MAP3K14: variants seen among roughly 807,000 people sequenced by gnomAD.
The protein encoded by MAP3K14 is NF-kappa-beta-inducing kinase.
Under a neutral mutation model 99.2 loss-of-function variants are expected in MAP3K14, and 16 were observed. That is an observed-to-expected ratio of 0.16 (90% CI 0.11 to 0.24). The LOEUF (loss-of-function observed/expected upper bound fraction) is 0.24, where lower values mean the gene tolerates loss of function less well. Among genes scored for constraint, MAP3K14 ranks in the 10% least tolerant of loss-of-function variants. The pLI is 1.00. For synonymous variants in MAP3K14, 462 were observed against 492.4 expected, an observed-to-expected ratio of 0.94 and a Z score of 0.82; for missense variants, 784 against 1,208.7, an observed-to-expected ratio of 0.65 and a Z score of 5.21.
chr17:45,277,563 G>A (rs7222751), intron 6 of MAP3K14, among the ~76,000 whole-genome samples: 24,481 of 152,126 alleles, frequency 0.16, 2,104 homozygotes, highest in African/African-American at 0.22. Context: ...AGTGTTTCCA[G>A]CTCTAAAAAG....
rs1026894731 is a variant in MAP3K14, at chr17:45,304,010, CTTTTTTTTT to C, written c.-21+12941_-21+12949del. 4.1e-4 allele frequency among the ~76,000 whole-genome samples: 53 copies of C among 127,732 alleles called. No homozygotes were observed. The East Asian group carries it at 0.011, about 26-fold the overall frequency. 83.8% of individuals were successfully genotyped at this position (127,732 alleles called of 152,430 possible). A position where few individuals can be genotyped will look rare whatever the true frequency, so the allele number is the denominator to read the frequency against. Reference sequence around the variant, plus strand: ...CATTTAGATTTATTTCTTTTCTTTTCTTTTTTTTTTTTTTTTTTTTGAGACGGAGTCTCG... The same window carrying C: ...CATTTAGATTTATTTCTTTTCTTTTCTTTTTTTTTTTGAGACGGAGTCTCG... On this transcript the variant is annotated intron_variant, in intron 1 of 15. Coordinates refer to ENST00000344686, the MANE Select transcript of MAP3K14 (RefSeq NM_003954.5).
chr17:45,268,142 ATC>A (rs1251612489), intron 11 of MAP3K14: 1 of 211,534 alleles, frequency 4.7e-6, no homozygotes, highest in Non-Finnish European at 9.3e-6. Flanking sequence ...TGGACCCACC[ATC>A]TCTCCTACCC....
rs34664244 is a variant in MAP3K14 at position 45,301,833 on chromosome 17, C to CTT, written c.-20-11070_-20-11069dup. On this transcript the variant is annotated intron_variant, in intron 1 of 15. Transcript: ENST00000344686. ...AGCACATATTAGTTTTCTCAGTTCTCTTTTTTTTTTTTTTTTTGAGATGCA... is the reference window on the plus strand; with the variant it reads ...AGCACATATTAGTTTTCTCAGTTCTCTTTTTTTTTTTTTTTTTTTGAGATGCA... Among the ~76,000 whole-genome samples the CTT allele has an allele frequency of 3.7e-3, 494 of 134,292 alleles. 5 individuals are homozygous for CTT. The highest frequency in any genetic ancestry group is 0.013 in the African/African-American group (467 of 36,832). The allele number at this position is 134,292 out of a possible 152,430, so 88.1% of individuals were successfully genotyped here. A position where few individuals can be genotyped will look rare whatever the true frequency, so the allele number is the denominator to read the frequency against.
chr17:45,280,973 T>C (rs2044218042), intron 6 of MAP3K14, among the ~76,000 whole-genome samples: 1 of 152,106 alleles, frequency 6.6e-6, no homozygotes, highest in South Asian at 2.1e-4. Flanking sequence ...ATCCACTGAC[T>C]AGGATAAGAA....
intron 1 of MAP3K14, among the ~76,000 whole-genome samples, chr17:45,297,985 C>G (rs2044358544): frequency 6.6e-6 from 1 of 152,156 alleles, no homozygotes; most frequent in Non-Finnish European, 1.5e-5. Flanking sequence ...TCCTAAAGTG[C>G]TGGGATTACA....
intron 1 of MAP3K14, among the ~76,000 whole-genome samples, chr17:45,315,883 C>T (rs2044527502): frequency 6.6e-6 from 1 of 152,186 alleles, no homozygotes; most frequent in Non-Finnish European, 1.5e-5. Context: ...AAGCAAAAAA[C>T]ACATCACTAA....
Position 45,301,378 on chromosome 17 carries a change from G to A in MAP3K14, c.-20-10613C>T, listed in dbSNP as rs1040089508. 5.9e-5 allele frequency among the ~76,000 whole-genome samples: 9 copies of A among 152,018 alleles called. No homozygotes were observed. In the East Asian group the frequency reaches 7.7e-4, roughly 13 times the overall value. On this transcript the variant is annotated intron_variant, in intron 1 of 15. Transcript: ENST00000344686. ...CTCAGGAGACTGAGGCAGGAGAATCGCTTGAACCTGGGAGGCGGAGGTTGC... is the reference window on the plus strand; with the variant it reads ...CTCAGGAGACTGAGGCAGGAGAATCACTTGAACCTGGGAGGCGGAGGTTGC...
At chr17:45,300,088 C>CA (rs566710026) in intron 1 of MAP3K14, among the ~76,000 whole-genome samples, 15 of 151,970 alleles carry the variant, frequency 9.9e-5, no homozygotes, top group Non-Finnish European at 2.1e-4. Flanking sequence ...GACTCCATCT[C>CA]AAAAAAACAA....
chr17:45,270,780 A>G (rs1280450544), intron 10 of MAP3K14: 1 of 787,824 alleles, frequency 1.3e-6, no homozygotes, highest in East Asian at 2.7e-5. Context: ...CAAGACGCCC[A>G]CAGCCTCCAG....
intron 1 of MAP3K14, among the ~76,000 whole-genome samples, chr17:45,310,823 C>T (rs2044470766): frequency 6.6e-6 from 1 of 152,140 alleles, no homozygotes; most frequent in African/African-American, 2.4e-5. Context: ...TTCTTATCAA[C>T]CTTGACCTCC....
At chr17:45,313,274 TTACTACTAC>T (rs377671447) in intron 1 of MAP3K14, among the ~76,000 whole-genome samples, 2 of 151,568 alleles carry the variant, frequency 1.3e-5, no homozygotes, top group Admixed American at 1.3e-4. Flanking sequence ...ACTGCTACTA[TTACTACTAC>T]TACTACTACT....
chr17:45,304,010 C>CTTTTTTTT (rs1026894731), intron 1 of MAP3K14, among the ~76,000 whole-genome samples: 14 of 127,740 alleles, frequency 1.1e-4, no homozygotes, highest in African/African-American at 1.4e-4. Context: ...CTTTTCTTTT[C>CTTTTTTTT]TTTTTTTTTT....
At chr17:45,282,410 C>T (rs1395075592) in intron 6 of MAP3K14, among the ~76,000 whole-genome samples, 2 of 151,866 alleles carry the variant, frequency 1.3e-5, no homozygotes, top group African/African-American at 2.4e-5. Context: ...AAAAAATTAG[C>T]TGGGTGTGGT....
chr17:45,281,324 G>A lies in MAP3K14; in HGVS notation c.1290+3488C>T, dbSNP rs563061906. Among the ~76,000 whole-genome samples the A allele has an allele frequency of 2.3e-4, 35 of 149,620 alleles. No individual in the cohort carries two copies. The South Asian group carries it at 7.4e-3, about 32-fold the overall frequency. ...AAGTGCTAGGATTATAGGTATAAGT[G>A]CCGCACCGCCTGATCTTTCTTTTTT... On this transcript the variant is annotated intron_variant, in intron 6 of 15. Transcript: ENST00000344686.
At chr17:45,305,878 G>A (rs1223434535) in intron 1 of MAP3K14, among the ~76,000 whole-genome samples, 4 of 152,166 alleles carry the variant, frequency 2.6e-5, no homozygotes, top group Non-Finnish European at 5.9e-5. Context: ...GATGTTCTTT[G>A]AAGAGCATTC....
intron 1 of MAP3K14, among the ~76,000 whole-genome samples, chr17:45,301,253 C>G (rs1226052856): frequency 6.6e-6 from 1 of 151,716 alleles, no homozygotes; most frequent in African/African-American, 2.4e-5. Context: ...CACCTGAGGT[C>G]AGGAGTTTGA....
intron 1 of MAP3K14, among the ~76,000 whole-genome samples, chr17:45,310,005 TC>T (rs2044460527): frequency 6.8e-6 from 1 of 146,630 alleles, no homozygotes. Flanking sequence ...TCCAATCAAC[TC>T]CCTTGGCCAA....
At chr17:45,278,882 T>A (rs373496700) in intron 6 of MAP3K14, among the ~76,000 whole-genome samples, 1 of 152,142 alleles carries the variant, frequency 6.6e-6, no homozygotes, top group Non-Finnish European at 1.5e-5. Context: ...CAGGCTAGTC[T>A]TGAACTCCTA....
chr17:45,290,316 A>T (rs899396835), intron 2 of MAP3K14, among the ~76,000 whole-genome samples, 174 bp downstream of exon 2: 2 of 152,126 alleles, frequency 1.3e-5, no homozygotes, highest in Non-Finnish European at 2.9e-5. Flanking sequence ...CCATCTGTGC[A>T]CTTTTACAAC....
Sources: allele counts gnomAD v4.1 joint callset (sites outside exome capture counted in the v4.1 genomes callset), GRCh38; gene constraint gnomAD v4.1.1; transcripts MANE v1.5; gene names NCBI Gene and HGNC (gene_info 2026-07-23, HGNC 2026-07-21).